SLC11A2: variants seen among roughly 807,000 people sequenced by gnomAD.
SLC11A2 encodes natural resistance-associated macrophage protein 2.
In SLC11A2, 38 loss-of-function variants were observed where a neutral mutation model predicts 68.0. The observed-to-expected ratio is 0.56, with a 90% CI of 0.43 to 0.73. The LOEUF (loss-of-function observed/expected upper bound fraction) is 0.73, where lower values mean the gene tolerates loss of function less well. Ranked by LOEUF, SLC11A2 falls within the 30% of genes least tolerant of loss-of-function variation. SLC11A2 has a pLI of 0.00. For synonymous variants in SLC11A2, 242 were observed against 250.6 expected (o/e 0.97, Z 0.32); for missense variants, 517 against 690.5 (o/e 0.75, Z 2.82).
the SLC11A2 span, among the ~76,000 whole-genome samples, chr12:50,969,693 A>C: frequency 7.5e-5 from 11 of 145,862 alleles, 1 homozygote; most frequent in Non-Finnish European, 1.7e-4. Context: ...CAAGAGCAAG[A>C]CTCCATCTCA....
At chr12:51,003,393 C>T (rs1942439260) in intron 5 of SLC11A2, among the ~76,000 whole-genome samples, 1 of 151,076 alleles carries the variant, frequency 6.6e-6, no homozygotes, top group African/African-American at 2.4e-5. Context: ...CAAAAATTAG[C>T]CAGATGGTGG....
chr12:50,959,035 A>C, the SLC11A2 span, among the ~76,000 whole-genome samples: 1 of 152,096 alleles, frequency 6.6e-6, no homozygotes, highest in Admixed American at 6.6e-5. Flanking sequence ...AACAAACAAA[A>C]AAAAGATGCA....
chr12:50,995,604 C>T, intron 10 of SLC11A2, 25 bp downstream of exon 10: 2 of 1,613,228 alleles, frequency 1.2e-6, no homozygotes, highest in Non-Finnish European at 1.7e-6. Flanking sequence ...ACATTCACTA[C>T]CACCCATAAC....
intron 1 of SLC11A2, among the ~76,000 whole-genome samples, chr12:51,022,233 C>A (rs1944093225): frequency 6.6e-6 from 1 of 152,000 alleles, no homozygotes; most frequent in African/African-American, 2.4e-5. Context: ...CAATGCCAAG[C>A]TCTGTGAACA....
Position 51,000,095 on chromosome 12 carries a change from CACACAT to C in SLC11A2, c.536+212_536+217del, listed in dbSNP as rs1347397695. Among the ~76,000 whole-genome samples, 4 of 152,180 alleles carry C rather than the reference CACACAT, an allele frequency of 2.6e-5. No individual in the cohort carries two copies. The East Asian group carries it at 7.7e-4, about 29-fold the overall frequency. On this transcript the variant is annotated intron_variant, in intron 6 of 15. Transcript: ENST00000262052. ...AATCAATAATTGCGATACAAAACGC[CACACAT>C]TCTAATAAAGGTAAGCATAACCCAC...
chr12:50,961,599 A>G, the SLC11A2 span, among the ~76,000 whole-genome samples: 1 of 152,240 alleles, frequency 6.6e-6, no homozygotes, highest in Non-Finnish European at 1.5e-5. Context: ...TAGTCCATAA[A>G]TTAAGCAAGA....
chr12:51,021,078 G>A (rs891157151), intron 1 of SLC11A2, among the ~76,000 whole-genome samples: 3 of 152,162 alleles, frequency 2.0e-5, no homozygotes, highest in African/African-American at 4.8e-5. Context: ...ATGACAAAGC[G>A]AGACCCTGTC....
intron 1 of SLC11A2, among the ~76,000 whole-genome samples, chr12:51,013,253 T>C (rs1213992597): frequency 6.6e-6 from 1 of 151,948 alleles, no homozygotes; most frequent in Non-Finnish European, 1.5e-5. Flanking sequence ...TTTCCAATTG[T>C]GGCCCTGATC....
rs142215479 is a variant in SLC11A2 at position 51,016,802 on chromosome 12, G to A, written c.-38-6036C>T. Reference sequence around the variant, plus strand: ...GCGGAGGTTGCAATAAGCCGAGATCGCGCCACTGCACTCCAGCCTGGGTGA... The same window carrying A: ...GCGGAGGTTGCAATAAGCCGAGATCACGCCACTGCACTCCAGCCTGGGTGA... On this transcript the variant is annotated intron_variant, in intron 1 of 15. Coordinates refer to ENST00000262052, the MANE Select transcript of SLC11A2 (RefSeq NM_000617.3). Among the ~76,000 whole-genome samples, 107 of 147,188 alleles carry A rather than the reference G, an allele frequency of 7.3e-4. No individual in the cohort carries two copies. The East Asian group carries it at 0.018, about 25-fold the overall frequency.
intron 1 of SLC11A2, among the ~76,000 whole-genome samples, chr12:51,015,769 C>T (rs1012541123): frequency 3.3e-5 from 5 of 152,190 alleles, no homozygotes; most frequent in African/African-American, 7.2e-5. Context: ...GATATTCCAG[C>T]TTACCCCTAA....
intron 15 of SLC11A2, among the ~76,000 whole-genome samples, chr12:50,989,087 T>G (rs1940888038): frequency 6.6e-6 from 1 of 152,156 alleles, no homozygotes; most frequent in Non-Finnish European, 1.5e-5. Context: ...ATGATAAGAA[T>G]GACTAACAGA....
intron 1 of SLC11A2, among the ~76,000 whole-genome samples, chr12:51,015,068 G>A (rs1357315205): frequency 1.3e-5 from 2 of 151,988 alleles, no homozygotes; most frequent in Non-Finnish European, 2.9e-5. Flanking sequence ...GCTAAAGCGG[G>A]AGAATCGCTT....
chr12:51,025,966 A>G, intron 1 of SLC11A2: 1 of 1,005,226 alleles, frequency 9.9e-7, no homozygotes, highest in Non-Finnish European at 1.2e-6. Flanking sequence ...GCGTCGAAGC[A>G]GGTCAGCGCA....
chr12:50,973,271 C>T, the SLC11A2 span, among the ~76,000 whole-genome samples: 13 of 152,226 alleles, frequency 8.5e-5, no homozygotes, highest in African/African-American at 2.9e-4. Flanking sequence ...CTCACACGGC[C>T]GGGTATCCCT....
At chr12:50,970,424 A>G in the SLC11A2 span, 1 of 1,293,832 alleles carries the variant, frequency 7.7e-7, no homozygotes, top group Non-Finnish European at 1.1e-6. Flanking sequence ...CAATTGATAT[A>G]CATCCTTCTT....
chr12:51,005,298 A>C lies in SLC11A2; in HGVS notation c.309+13T>G. The C allele has an allele frequency of 6.2e-7, 1 of 1,613,684 alleles. No individual in the cohort carries two copies. The highest frequency in any genetic ancestry group is 8.5e-7 in the Non-Finnish European group (1 of 1,179,676). On this transcript the variant is annotated intron_variant, in intron 4 of 15. Coordinates refer to ENST00000262052, the MANE Select transcript of SLC11A2 (RefSeq NM_000617.3). ...ATGTGCTTAAAAGGACAGGGGTAGGACTAGATGTTCACCTTAAATCCAGCC... is the reference window on the plus strand; with the variant it reads ...ATGTGCTTAAAAGGACAGGGGTAGGCCTAGATGTTCACCTTAAATCCAGCC...
downstream of SLC11A2, among the ~76,000 whole-genome samples, chr12:50,978,310 C>A (rs1282579265): frequency 6.6e-6 from 1 of 151,840 alleles, no homozygotes; most frequent in Non-Finnish European, 1.5e-5. Flanking sequence ...TACTATGCAG[C>A]CATAAACAAT....
the SLC11A2 span, among the ~76,000 whole-genome samples, chr12:50,952,456 G>A: frequency 6.6e-6 from 1 of 152,186 alleles, no homozygotes; most frequent in Non-Finnish European, 1.5e-5. Flanking sequence ...CATGGCTGCA[G>A]TCGGAGGGAG....
chr12:51,023,040 G>A (rs1944150104), intron 1 of SLC11A2, among the ~76,000 whole-genome samples: 2 of 152,150 alleles, frequency 1.3e-5, no homozygotes, highest in South Asian at 4.1e-4. Context: ...TTATATACAT[G>A]TCATTTTATT....
Sources: allele counts gnomAD v4.1 joint callset (sites outside exome capture counted in the v4.1 genomes callset), GRCh38; gene constraint gnomAD v4.1.1; transcripts MANE v1.5; gene names NCBI Gene and HGNC (gene_info 2026-07-23, HGNC 2026-07-21).